Variants in DIP2C observed in about 807,000 individuals in gnomAD.
DIP2C encodes the protein DIP2 acetate--CoA ligase C (putative).
Under a neutral mutation model 192.4 loss-of-function variants are expected in DIP2C, and 33 were observed. The ratio of observed to expected loss-of-function variants is 0.17; its 90% CI spans 0.13 to 0.23. DIP2C has a LOEUF of 0.23. Ranked by LOEUF, DIP2C falls within the 10% of genes least tolerant of loss-of-function variation. The pLI, the probability that DIP2C is intolerant of heterozygous loss-of-function variation, is 1.00. For synonymous variants in DIP2C, 979 were observed against 864.1 expected, an observed-to-expected ratio of 1.13 and a Z score of -2.33; for missense variants, 1,537 against 2,110.1, an observed-to-expected ratio of 0.73 and a Z score of 5.32.
intron 1 of DIP2C, among the ~76,000 whole-genome samples, chr10:492,554 A>G (rs1000409646): frequency 2.0e-5 from 3 of 152,236 alleles, no homozygotes; most frequent in Non-Finnish European, 4.4e-5. Context: ...ATTTATTGTT[A>G]TTTAGTGCCT....
At chr10:412,026 T>C (rs922714648) in intron 8 of DIP2C, among the ~76,000 whole-genome samples, 2 of 152,204 alleles carry the variant, frequency 1.3e-5, no homozygotes, top group Non-Finnish European at 1.5e-5. Context: ...AATGCTTTGG[T>C]TGTGGGCATG....
intron 1 of DIP2C, among the ~76,000 whole-genome samples, chr10:572,899 C>CG (rs1849914732): frequency 6.6e-6 from 1 of 152,114 alleles, no homozygotes; most frequent in Non-Finnish European, 1.5e-5. Flanking sequence ...AACAGGCAGC[C>CG]GGAAGATTGC....
chr10:402,041 T>G (rs545006332), intron 9 of DIP2C, among the ~76,000 whole-genome samples: 3 of 95,890 alleles, frequency 3.1e-5, no homozygotes, highest in African/African-American at 1.2e-4. Context: ...GTTTGGTATG[T>G]GTTCATCAGC....
At chr10:670,319 T>C (rs528460974) in intron 1 of DIP2C, among the ~76,000 whole-genome samples, 2 of 152,186 alleles carry the variant, frequency 1.3e-5, no homozygotes, top group South Asian at 2.1e-4. Context: ...TACATGCATA[T>C]ACACATGCAC....
At chr10:432,019 T>C (rs752386448) in intron 4 of DIP2C, among the ~76,000 whole-genome samples, 4 of 152,232 alleles carry the variant, frequency 2.6e-5, no homozygotes, top group Admixed American at 6.5e-5. Flanking sequence ...ATTACGTTAA[T>C]TGGTTTTCAA....
chr10:648,595 C>T (rs1445918574), intron 1 of DIP2C, among the ~76,000 whole-genome samples: 2 of 151,520 alleles, frequency 1.3e-5, no homozygotes, highest in Non-Finnish European at 2.9e-5. Flanking sequence ...GAAACTGAGT[C>T]CACGTCCACA....
chr10:409,997 C>G lies in DIP2C; in HGVS notation c.1058-980G>C, dbSNP rs538835091. ...ATAGTGTAATAAAGGTAACAGCTAT[C>G]TTAACTGTTTTCTATTTCAGTACCA... On this transcript the variant is annotated intron_variant, in intron 8 of 36. Coordinates refer to ENST00000280886, the MANE Select transcript of DIP2C (RefSeq NM_014974.3). Among the ~76,000 whole-genome samples the G allele has an allele frequency of 5.3e-5, 8 of 152,338 alleles. No individual in the cohort carries two copies. The South Asian group carries it at 1.7e-3, about 32-fold the overall frequency.
At chr10:664,749 G>A (rs1021928879) in intron 1 of DIP2C, 1 of 151,954 alleles carries the variant, frequency 6.6e-6, no homozygotes, top group African/African-American at 2.4e-5. Flanking sequence ...AAATGTTAAT[G>A]TATCAAGCAT....
At chr10:655,692 C>T (rs979715344) in intron 1 of DIP2C, among the ~76,000 whole-genome samples, 3 of 152,154 alleles carry the variant, frequency 2.0e-5, no homozygotes, top group Non-Finnish European at 4.4e-5. Context: ...GTTAGTTCAA[C>T]TGTATACTCT....
At chr10:658,345 C>A (rs868237653) in intron 1 of DIP2C, among the ~76,000 whole-genome samples, 19 of 136,856 alleles carry the variant, frequency 1.4e-4, no homozygotes, top group Non-Finnish European at 1.7e-4. Flanking sequence ...GGACCTGCCC[C>A]TGGACCTGCC....
intron 1 of DIP2C, chr10:665,577 G>A (rs1300847019): frequency 6.6e-6 from 1 of 152,110 alleles, no homozygotes; most frequent in Non-Finnish European, 1.5e-5. Flanking sequence ...GGGAGCGCCT[G>A]GATTTTCTCT....
intron 3 of DIP2C, among the ~76,000 whole-genome samples, chr10:460,445 T>G (rs893321762): frequency 6.6e-6 from 1 of 152,202 alleles, no homozygotes; most frequent in African/African-American, 2.4e-5. Flanking sequence ...AGAGCTTTCA[T>G]AAGAATTCAT....
At chr10:604,813 T>C (rs1588576400) in intron 1 of DIP2C, among the ~76,000 whole-genome samples, 1 of 152,232 alleles carries the variant, frequency 6.6e-6, no homozygotes, top group South Asian at 2.1e-4. Context: ...GATTTTCTTC[T>C]GGCCAAGCAG....
intron 1 of DIP2C, among the ~76,000 whole-genome samples, chr10:559,346 G>A (rs1477506747): frequency 6.6e-6 from 1 of 151,716 alleles, no homozygotes; most frequent in African/African-American, 2.4e-5. Flanking sequence ...GGAACGCCGG[G>A]GGAAGCCCCA....
intron 1 of DIP2C, among the ~76,000 whole-genome samples, chr10:582,264 T>C (rs1280933782): frequency 1.3e-5 from 2 of 152,190 alleles, no homozygotes; most frequent in African/African-American, 2.4e-5. Context: ...ACACCACTCG[T>C]GACCCTGCTG....
chr10:468,510 C>T (rs191386147), intron 3 of DIP2C, among the ~76,000 whole-genome samples: 1 of 152,286 alleles, frequency 6.6e-6, no homozygotes, highest in East Asian at 1.9e-4. Context: ...CCTGTAATCC[C>T]AGCACGTTGG....
intron 1 of DIP2C, among the ~76,000 whole-genome samples, chr10:597,353 C>A (rs1047435127): frequency 3.2e-4 from 49 of 152,150 alleles, no homozygotes; most frequent in African/African-American, 1.2e-3. Flanking sequence ...CCTGGACACA[C>A]ACACACCGGG....
rs1045477928 is a variant in DIP2C, at chr10:662,982, T to C, written c.85+26512A>G. 3 of 715,440 alleles carry C rather than the reference T, an allele frequency of 4.2e-6. No homozygotes were observed. In the South Asian group the frequency reaches 4.5e-5, roughly 11 times the overall value. The allele number at this position is 715,440 out of a possible 1,614,324, so 44.3% of individuals were successfully genotyped here. On this transcript the variant is annotated intron_variant, in intron 1 of 36. Coordinates refer to ENST00000280886, the MANE Select transcript of DIP2C (RefSeq NM_014974.3). ...GATTAACAGAACATGCTGATTGGTT[T>C]TATCTGAACGTCACACAAAAGGGTT...
rs1954573484 is a variant in DIP2C at position 277,448 on chromosome 10, C to A, written c.4548G>T (p.Val1516=). 6.2e-7 allele frequency: 1 copy of A among 1,614,166 alleles called. No individual in the cohort carries two copies. ...TGACGCCGATGTCCACCACGACCAC[C>A]ACTCCGACGATCAGGTAGTGCTCCT... is the stretch of plus-strand genomic sequence containing the variant. ...VLEEHYLIVG[V]VVVVDIGVIP... The change falls in exon 37 of 37, where the codon GTG becomes GTT. Residue 1516 remains valine (V), a synonymous_variant. Transcript: ENST00000280886.
Sources: gnomAD v4.1 joint callset for allele counts (sites outside exome capture counted in the v4.1 genomes callset) on GRCh38, gnomAD v4.1.1 for gene constraint, MANE v1.5 for transcripts, NCBI Gene and HGNC (gene_info 2026-07-23, HGNC 2026-07-21) for gene names.